ANKDD1A: variants seen among roughly 807,000 people sequenced by gnomAD.
ANKDD1A encodes ankyrin repeat and death domain containing 1A.
ANKDD1A carries 59 observed loss-of-function variants against 63.5 expected under a neutral mutation model. The observed-to-expected ratio is 0.93, with a 90% CI of 0.75 to 1.15. The LOEUF is 1.15. Ranked by LOEUF, ANKDD1A falls within the 50% of genes most tolerant of loss-of-function variation. The pLI is 0.00. For missense variants in ANKDD1A, 632 were observed against 656.4 expected (o/e 0.96, Z 0.41); for synonymous variants, 266 against 263.9 (o/e 1.01, Z -0.08).
chr15:64,931,704 C>T, intron 8 of ANKDD1A, 119 bp downstream of exon 8: 1 of 1,127,238 alleles, frequency 8.9e-7, no homozygotes, highest in South Asian at 1.3e-5. Flanking sequence ...AGGCAGCAGA[C>T]AAGGTTCTGA....
intron 3 of ANKDD1A, among the ~76,000 whole-genome samples, 153 bp downstream of exon 3, chr15:64,917,667 A>G (rs2084979769): frequency 6.6e-6 from 1 of 152,168 alleles, no homozygotes; most frequent in African/African-American, 2.4e-5. Flanking sequence ...GGGACACTGC[A>G]CTGATTCTGT....
chr15:64,936,064 A>T (rs1595852302), intron 9 of ANKDD1A, among the ~76,000 whole-genome samples: 3 of 152,268 alleles, frequency 2.0e-5, no homozygotes, highest in East Asian at 3.9e-4. Context: ...TATTATTATT[A>T]TTCCCATTAC....
In ANKDD1A at chr15:64,957,811, A is replaced by G. The variant is rs2085431931; in HGVS notation, c.*623A>G. ...GAAGCATTTTATTAAAAGAATAATTATAATTAAAAAAACACGATACAGATC... is the reference window on the plus strand; with the variant it reads ...GAAGCATTTTATTAAAAGAATAATTGTAATTAAAAAAACACGATACAGATC... On this transcript the variant is annotated 3_prime_UTR_variant, in exon 15 of 15. Coordinates refer to ENST00000319580, the MANE Select transcript of ANKDD1A (RefSeq NM_182703.6). 2 of 152,238 alleles carry G rather than the reference A, an allele frequency of 1.3e-5. No individual in the cohort carries two copies. Among genetic ancestry groups the G allele is most frequent in the African/African-American group, 4.8e-5 (2 of 41,462 alleles). The allele number at this position is 152,238 out of a possible 1,614,324, so 9.4% of individuals were successfully genotyped here. A position where few individuals can be genotyped will look rare whatever the true frequency, so the allele number is the denominator to read the frequency against.
At chr15:64,945,607 C>CTTT (rs1277861527) in intron 12 of ANKDD1A, among the ~76,000 whole-genome samples, 1 of 73,852 alleles carries the variant, frequency 1.4e-5, no homozygotes, top group African/African-American at 6.2e-5. Flanking sequence ...GCATTTTCAA[C>CTTT]ATATATATAT....
intron 4 of ANKDD1A, 137 bp from the exon 5 acceptor site, chr15:64,925,929 C>T (rs2085043108): frequency 5.4e-6 from 4 of 735,104 alleles, no homozygotes; most frequent in Non-Finnish European, 8.8e-6. Flanking sequence ...TCCCTCGGGT[C>T]CATTCATCAT....
chr15:64,944,830 C>G, intron 12 of ANKDD1A, 83 bp downstream of exon 12: 2 of 1,390,728 alleles, frequency 1.4e-6, no homozygotes, highest in Non-Finnish European at 2.0e-6. Context: ...GAACCCTAGG[C>G]CTGACCAATT....
intron 7 of ANKDD1A, 75 bp downstream of exon 7, chr15:64,930,995 C>A: frequency 6.8e-7 from 1 of 1,464,798 alleles, no homozygotes; most frequent in Non-Finnish European, 9.3e-7. Context: ...CCCACCAGTC[C>A]ATGGTGAAGT....
chr15:64,934,061 TGAATCTC>T, intron 8 of ANKDD1A, 68 bp from the exon 9 acceptor site: 1 of 1,251,384 alleles, frequency 8.0e-7, no homozygotes, highest in Non-Finnish European at 1.1e-6. Context: ...AATGGAAAAA[TGAATCTC>T]GAAGAGCTTT....
In ANKDD1A at chr15:64,925,916, T is replaced by A. The variant is rs574897594; in HGVS notation, c.367-150T>A. 20 of 664,088 alleles carry A rather than the reference T, an allele frequency of 3.0e-5. No individual in the cohort carries two copies. The South Asian group carries it at 3.1e-4, about 10-fold the overall frequency. The allele number at this position is 664,088 out of a possible 1,614,324, so 41.1% of individuals were successfully genotyped here. ...AAGGCTAAGTGGGCAGCAGAGTGGG[T>A]TATCCCTCGGGTCCATTCATCATTT... is the stretch of plus-strand genomic sequence containing the variant. On this transcript the variant is annotated intron_variant, in intron 4 of 14. Coordinates refer to ENST00000319580, the MANE Select transcript of ANKDD1A (RefSeq NM_182703.6).
In ANKDD1A at chr15:64,917,487, A is replaced by G; in HGVS notation, c.240A>G (p.Val80=). The G allele has an allele frequency of 6.3e-7, 1 of 1,590,754 alleles. No individual in the cohort carries two copies. ...HEAAVDEEDA[V]GALTEARLCF... is the part of the protein sequence containing the mutation. ...CTGCTGTGGACGAGGAGGATGCGGT[A>G]GGGGCCCTCACAGAGGCACGTCTGT... Residue 80 remains valine, a synonymous_variant, in exon 3 of 15, where the codon GTA becomes GTG. Transcript: ENST00000319580.
intron 12 of ANKDD1A, 116 bp downstream of exon 12, chr15:64,944,863 A>G (rs2085211298): frequency 1.0e-6 from 1 of 960,656 alleles, no homozygotes; most frequent in Non-Finnish European, 1.5e-6. Context: ...GTCTCCAAGC[A>G]GGTGATAATC....
chr15:64,951,427 C>CTTG (rs1458177250), intron 14 of ANKDD1A: 1 of 106,172 alleles, frequency 9.4e-6, no homozygotes, highest in Admixed American at 3.4e-4. Context: ...TTCCTCTTTT[C>CTTG]TTCTTTTTCT....
Position 64,958,255 on chromosome 15 carries a change from G to A in ANKDD1A, c.*1067G>A, listed in dbSNP as rs1305528777. ...CTGTGATGGTGGGTACATGACATTG[G>A]GCATTGGTCAAAACCCATAGCATGT... On this transcript the variant is annotated 3_prime_UTR_variant, in exon 15 of 15. Coordinates refer to ENST00000319580, the MANE Select transcript of ANKDD1A (RefSeq NM_182703.6). 6.6e-6 allele frequency: 1 copy of A among 152,220 alleles called. No homozygotes were observed. The highest frequency in any genetic ancestry group is 1.5e-5 in the Non-Finnish European group (1 of 68,046). 9.4% of individuals were successfully genotyped at this position (152,220 alleles called of 1,614,324 possible).
At chr15:64,917,358 C>A (rs1242883416) in intron 2 of ANKDD1A, 28 bp from the exon 3 acceptor site, 2 of 1,582,048 alleles carry the variant, frequency 1.3e-6, no homozygotes, top group Admixed American at 1.7e-5. Context: ...GCAGCAGCAC[C>A]TGACAAGTGT....
rs1035975627 is a variant in ANKDD1A at position 64,930,754 on chromosome 15, C to G, written c.571-68C>G. The G allele has an allele frequency of 4.1e-6, 6 of 1,470,200 alleles. No individual in the cohort carries two copies. The African/African-American group carries it at 8.2e-5, about 20-fold the overall frequency. 91.1% of individuals were successfully genotyped at this position (1,470,200 alleles called of 1,614,324 possible). On this transcript the variant is annotated intron_variant, in intron 6 of 14. Transcript: ENST00000319580. ...ACTGACCCAGTGTGCATGGCTGCAG[C>G]TCATCACAGGTCTGTGATTCTGGGA...
intron 14 of ANKDD1A, among the ~76,000 whole-genome samples, chr15:64,951,691 C>CTTATTCTTTTCTTT (rs1218099535): frequency 8.5e-6 from 1 of 117,518 alleles, no homozygotes; most frequent in Non-Finnish European, 1.7e-5. Flanking sequence ...TTTCTTCTTC[C>CTTATTCTTTTCTTT]TCTTCTTCTT....
At chr15:64,915,968 G>T in intron 2 of ANKDD1A, 68 bp downstream of exon 2, 1 of 1,472,012 alleles carries the variant, frequency 6.8e-7, no homozygotes, top group South Asian at 1.2e-5. Context: ...TACACAGGGG[G>T]AATAGTTTAT....
rs72739245 is a variant in ANKDD1A, at chr15:64,958,212, G to A, written c.*1024G>A. 1,820 of 152,422 alleles carry A rather than the reference G, an allele frequency of 0.012. 12 individuals carry two copies. The highest frequency in any genetic ancestry group is 0.021 in the Non-Finnish European group (1,407 of 68,078). The allele number at this position is 152,422 out of a possible 1,614,324, so 9.4% of individuals were successfully genotyped here. On this transcript the variant is annotated 3_prime_UTR_variant, in exon 15 of 15. Transcript: ENST00000319580. ...GGAGCGCAGGGGATGTTAGGGCAGTGAAAGGTTCTGTATGACACTGTGATG... is the reference window on the plus strand; with the variant it reads ...GGAGCGCAGGGGATGTTAGGGCAGTAAAAGGTTCTGTATGACACTGTGATG...
chr15:64,944,069 C>G (rs1198809552), intron 11 of ANKDD1A, among the ~76,000 whole-genome samples: 1 of 152,210 alleles, frequency 6.6e-6, no homozygotes, highest in African/African-American at 2.4e-5. Flanking sequence ...ACATGTGACT[C>G]AGCGAGGCCA....
Sources: allele counts gnomAD v4.1 joint callset (sites outside exome capture counted in the v4.1 genomes callset), GRCh38; gene constraint gnomAD v4.1.1; transcripts MANE v1.5; gene names NCBI Gene and HGNC (gene_info 2026-07-23, HGNC 2026-07-21).